TP63: variants seen among roughly 807,000 people sequenced by gnomAD.
The protein encoded by TP63 is tumor protein p63, also known as tumor protein 63.
In TP63, 17 loss-of-function variants were observed where a neutral mutation model predicts 82.8. The observed-to-expected ratio is 0.21, with a 90% confidence interval of 0.14 to 0.31. TP63 has a LOEUF of 0.31. Among genes scored for constraint, TP63 ranks in the 10% least tolerant of loss-of-function variants. The probability of loss-of-function intolerance (pLI) is 1.00; values close to 1 mark genes in which losing one functional copy is unlikely to be tolerated. For missense variants in TP63, 648 were observed against 895.3 expected (o/e 0.72, Z 3.52); for synonymous variants, 330 against 321.7 (o/e 1.03, Z -0.28).
intron 3 of TP63, chr3:189,789,970 C>A: frequency 1.2e-6 from 1 of 837,614 alleles, no homozygotes; most frequent in South Asian, 5.1e-5. Flanking sequence ...ATAGGAATCT[C>A]CTTTTCTTGG....
At chr3:189,633,639 C>T (rs1312745443) in intron 1 of TP63, among the ~76,000 whole-genome samples, 4 of 151,894 alleles carry the variant, frequency 2.6e-5, no homozygotes, top group Admixed American at 1.3e-4. Context: ...AATCATGGTG[C>T]CTGATACTTT....
intron 1 of TP63, among the ~76,000 whole-genome samples, chr3:189,714,828 TC>T (rs1451918647): frequency 6.6e-6 from 1 of 152,080 alleles, no homozygotes; most frequent in Non-Finnish European, 1.5e-5. Context: ...AAAAAGCATC[TC>T]TTTTTTTTAA....
chr3:189,605,358 A>G, the TP63 span, among the ~76,000 whole-genome samples: 1 of 152,212 alleles, frequency 6.6e-6, no homozygotes, highest in Non-Finnish European at 1.5e-5. Flanking sequence ...AGTCATTGCT[A>G]TTTGGAGAAG....
intron 4 of TP63, among the ~76,000 whole-genome samples, chr3:189,836,252 A>G (rs1466152969): frequency 6.6e-6 from 1 of 152,176 alleles, no homozygotes; most frequent in Non-Finnish European, 1.5e-5. Context: ...CTGTTTTAAG[A>G]GGAGTTTTTC....
intron 4 of TP63, among the ~76,000 whole-genome samples, chr3:189,840,714 C>T (rs992310967): frequency 1.3e-5 from 2 of 151,524 alleles, no homozygotes; most frequent in African/African-American, 2.4e-5. Context: ...AAAAATTAGC[C>T]GGGTGTAGTG....
intron 9 of TP63, among the ~76,000 whole-genome samples, chr3:189,871,479 G>C (rs1718412191): frequency 6.6e-6 from 1 of 152,182 alleles, no homozygotes; most frequent in Non-Finnish European, 1.5e-5. Flanking sequence ...ATCAAGAAAA[G>C]CTTCTCAGAG....
At chr3:189,850,784 T>A (rs1030114346) in intron 4 of TP63, among the ~76,000 whole-genome samples, 2 of 152,172 alleles carry the variant, frequency 1.3e-5, no homozygotes, top group African/African-American at 4.8e-5. Context: ...CATATATTTA[T>A]GGATGTGTAT....
At chr3:189,762,307 AT>A (rs1722641811) in intron 3 of TP63, among the ~76,000 whole-genome samples, 3 of 152,146 alleles carry the variant, frequency 2.0e-5, no homozygotes. Context: ...GTTATTTGGT[AT>A]GTCAGAGTCG....
chr3:189,607,815 T>C, the TP63 span, among the ~76,000 whole-genome samples: 8 of 152,144 alleles, frequency 5.3e-5, no homozygotes, highest in Non-Finnish European at 1.2e-4. Flanking sequence ...CACTTTAATG[T>C]ATTTATATAG....
At chr3:189,857,872 T>C (rs1716484456) in intron 4 of TP63, among the ~76,000 whole-genome samples, 1 of 152,208 alleles carries the variant, frequency 6.6e-6, no homozygotes, top group Non-Finnish European at 1.5e-5. Flanking sequence ...AACCTTTACA[T>C]ACTTTCAGTG....
At chr3:189,787,542 G>A (rs1033369669) in intron 3 of TP63, among the ~76,000 whole-genome samples, 2 of 152,040 alleles carry the variant, frequency 1.3e-5, no homozygotes, top group Admixed American at 1.3e-4. Flanking sequence ...GACAGAGACC[G>A]TATTTGGATT....
chr3:189,815,007 A>G (rs1376049666), intron 4 of TP63, among the ~76,000 whole-genome samples: 1 of 150,706 alleles, frequency 6.6e-6, no homozygotes, highest in Admixed American at 6.6e-5. Flanking sequence ...TACTACAAAG[A>G]GTAACAGCAA....
chr3:189,797,221 G>C (rs1351549966), intron 3 of TP63, among the ~76,000 whole-genome samples: 1 of 152,024 alleles, frequency 6.6e-6, no homozygotes, highest in Non-Finnish European at 1.5e-5. Context: ...GCCAGAGGCG[G>C]AAATTTATGA....
chr3:189,840,174 T>A (rs2108737546), intron 4 of TP63, among the ~76,000 whole-genome samples: 1 of 152,230 alleles, frequency 6.6e-6, no homozygotes, highest in East Asian at 1.9e-4. Flanking sequence ...TTCAGAGTAT[T>A]TGAGTGTATA....
intron 4 of TP63, among the ~76,000 whole-genome samples, 200 bp from the exon 5 acceptor site, chr3:189,864,032 G>T (rs1717379609): frequency 6.6e-6 from 1 of 152,162 alleles, no homozygotes; most frequent in East Asian, 1.9e-4. Flanking sequence ...TAAACATGGG[G>T]TTTTATTTAT....
At chr3:189,854,811 A>C (rs1040793126) in intron 4 of TP63, among the ~76,000 whole-genome samples, 4 of 152,222 alleles carry the variant, frequency 2.6e-5, no homozygotes, top group African/African-American at 9.6e-5. Flanking sequence ...ACTCAAGAAA[A>C]TCAACTTAGG....
intron 4 of TP63, among the ~76,000 whole-genome samples, chr3:189,845,156 G>A (rs997666331): frequency 1.3e-5 from 2 of 152,212 alleles, no homozygotes; most frequent in African/African-American, 4.8e-5. Flanking sequence ...GAGCTTTAGA[G>A]CTTGACTTTT....
intron 4 of TP63, among the ~76,000 whole-genome samples, chr3:189,825,095 G>T (rs1356906272): frequency 2.6e-5 from 4 of 152,220 alleles, no homozygotes; most frequent in Admixed American, 2.6e-4. Flanking sequence ...GAATGTTCTT[G>T]TAATAGGCAA....
rs189751402 is a variant in TP63 at position 189,818,277 on chromosome 3, T to C, written c.579+9751T>C. On this transcript the variant is annotated intron_variant, in intron 4 of 13. Coordinates refer to ENST00000264731, the MANE Select transcript of TP63 (RefSeq NM_003722.5). ...ATGGATAAAATTTCTGACCAAGCTA[T>C]TGTCATCAAGTAAGTAATAGATATG... Among the ~76,000 whole-genome samples, 3 of 152,156 alleles carry C rather than the reference T, an allele frequency of 2.0e-5. No individual in the cohort carries two copies. The East Asian group carries it at 5.8e-4, about 29-fold the overall frequency.
Sources: gnomAD v4.1 joint callset for allele counts (sites outside exome capture counted in the v4.1 genomes callset) on GRCh38, gnomAD v4.1.1 for gene constraint, MANE v1.5 for transcripts, NCBI Gene and HGNC (gene_info 2026-07-23, HGNC 2026-07-21) for gene names.